Variants in BMPR2 observed in about 807,000 individuals in gnomAD.
The protein encoded by BMPR2 is bone morphogenetic protein receptor type 2, also known as bone morphogenetic protein receptor type-2.
In BMPR2, 29 loss-of-function variants were observed where a neutral mutation model predicts 100.8. The observed-to-expected ratio is 0.29, with a 90% CI of 0.21 to 0.39. The LOEUF is 0.39. Ranked by LOEUF, BMPR2 falls within the 10% of genes least tolerant of loss-of-function variation. The probability of loss-of-function intolerance (pLI) is 1.00; values close to 1 mark genes in which losing one functional copy is unlikely to be tolerated. For synonymous variants in BMPR2, 382 were observed against 442.3 expected (o/e 0.86, Z 1.71); for missense variants, 1,011 against 1,274.5 (o/e 0.79, Z 3.15).
intron 1 of BMPR2, among the ~76,000 whole-genome samples, chr2:202,379,556 A>ACC (rs1690226951): frequency 6.6e-6 from 1 of 152,180 alleles, no homozygotes. Flanking sequence ...TGGTTATGCA[A>ACC]ATGTCGTAGT....
At chr2:202,523,804 C>T (rs528910012) in intron 7 of BMPR2, among the ~76,000 whole-genome samples, 1 of 151,318 alleles carries the variant, frequency 6.6e-6, no homozygotes, top group East Asian at 2.0e-4. Flanking sequence ...AACTCCATCT[C>T]AAAAAGAAAA....
At chr2:202,469,203 T>A (rs1022729577) in intron 3 of BMPR2, among the ~76,000 whole-genome samples, 1 of 151,990 alleles carries the variant, frequency 6.6e-6, no homozygotes, top group Non-Finnish European at 1.5e-5. Context: ...TAATTTTGTA[T>A]TTTTAGTAGA....
At chr2:202,534,910 C>T (rs1167505214) in intron 9 of BMPR2, among the ~76,000 whole-genome samples, 2 of 147,012 alleles carry the variant, frequency 1.4e-5, no homozygotes, top group Non-Finnish European at 3.0e-5. Flanking sequence ...GGCTGACCCC[C>T]CCACCTCCCT....
chr2:202,470,854 C>T (rs368557447), intron 3 of BMPR2, among the ~76,000 whole-genome samples: 9 of 151,714 alleles, frequency 5.9e-5, no homozygotes, highest in African/African-American at 2.2e-4. Context: ...ACTGCTTGAT[C>T]CCAGAATTTC....
chr2:202,390,338 T>G (rs976552826), intron 1 of BMPR2, among the ~76,000 whole-genome samples: 1 of 151,362 alleles, frequency 6.6e-6, no homozygotes, highest in Non-Finnish European at 1.5e-5. Context: ...TTCGTGTTTT[T>G]TTTTTTTTTT....
Position 202,549,118 on chromosome 2 carries a change from T to A in BMPR2, c.1414-3598T>A, listed in dbSNP as rs10172513. On this transcript the variant is annotated intron_variant, in intron 10 of 12. Transcript: ENST00000374580. ...GATTAGTTTACATTTTCTAGAATTT[T>A]ATATAAATGGAATCATATAAATGTA... is the stretch of plus-strand genomic sequence containing the variant. Among the ~76,000 whole-genome samples the A allele has an allele frequency of 9.1e-3, 1,392 of 152,324 alleles. 18 individuals carry two copies. The highest frequency in any genetic ancestry group is 0.031 in the African/African-American group (1,304 of 41,570).
At chr2:202,537,808 T>C (rs1688190600) in intron 9 of BMPR2, among the ~76,000 whole-genome samples, 2 of 152,072 alleles carry the variant, frequency 1.3e-5, no homozygotes, top group South Asian at 4.2e-4. Context: ...AAATCTGTAC[T>C]TGTGGTTATC....
chr2:202,440,013 G>T, intron 1 of BMPR2, among the ~76,000 whole-genome samples: 1 of 150,364 alleles, frequency 6.7e-6, no homozygotes, highest in Admixed American at 6.6e-5. Context: ...CACAGCACAT[G>T]TTTCAGAGAG....
chr2:202,383,014 T>C (rs1690334318), intron 1 of BMPR2, among the ~76,000 whole-genome samples: 1 of 152,228 alleles, frequency 6.6e-6, no homozygotes, highest in Non-Finnish European at 1.5e-5. Flanking sequence ...ATAACTTTAT[T>C]TCTACTTTTT....
rs1574472579 is a variant in BMPR2 at position 202,485,325 on chromosome 2, AGC to A, written c.418+17637_418+17638del. ...AAATAACAGAAATTTGTTCTTGGAC[AGC>A]TTTGGAGGCCAGCAGTCTAAAGCCA... is the stretch of plus-strand genomic sequence containing the variant. On this transcript the variant is annotated intron_variant, in intron 3 of 12. Transcript: ENST00000374580. 2.0e-5 allele frequency among the ~76,000 whole-genome samples: 3 copies of A among 152,100 alleles called. No individual in the cohort carries two copies. The East Asian group carries it at 5.8e-4, about 29-fold the overall frequency.
intron 1 of BMPR2, among the ~76,000 whole-genome samples, chr2:202,451,721 A>T (rs753094805): frequency 1.3e-4 from 19 of 151,910 alleles, no homozygotes; most frequent in Non-Finnish European, 2.4e-4. Flanking sequence ...AAAAAACTAC[A>T]ATTTGATGAG....
intron 3 of BMPR2, among the ~76,000 whole-genome samples, chr2:202,482,532 CCTGT>C (rs905878386): frequency 2.6e-5 from 4 of 151,466 alleles, no homozygotes; most frequent in African/African-American, 9.7e-5. Flanking sequence ...TGACCCCATG[CCTGT>C]CTAATTTTTT....
intron 1 of BMPR2, among the ~76,000 whole-genome samples, chr2:202,443,809 T>C (rs1329099145): frequency 6.6e-6 from 1 of 150,636 alleles, no homozygotes; most frequent in South Asian, 2.1e-4. Context: ...TACCTTGTAA[T>C]TGCCTTCAGA....
chr2:202,521,282 C>T (rs1687814376), intron 7 of BMPR2, among the ~76,000 whole-genome samples: 1 of 152,150 alleles, frequency 6.6e-6, no homozygotes, highest in Admixed American at 6.6e-5. Flanking sequence ...ATATTGGCAG[C>T]CCGGGCGTGA....
At chr2:202,395,003 C>T (rs1351004785) in intron 1 of BMPR2, among the ~76,000 whole-genome samples, 1 of 152,034 alleles carries the variant, frequency 6.6e-6, no homozygotes, top group East Asian at 1.9e-4. Flanking sequence ...CCTGCCTCAA[C>T]CTCCTGAGTA....
intron 1 of BMPR2, among the ~76,000 whole-genome samples, chr2:202,385,762 A>G (rs1198575757): frequency 6.6e-6 from 1 of 150,994 alleles, no homozygotes; most frequent in Non-Finnish European, 1.5e-5. Flanking sequence ...AGTCATGTAT[A>G]TGTGATCTTA....
At chr2:202,515,571 CAA>C (rs1297491040) in intron 5 of BMPR2, among the ~76,000 whole-genome samples, 19 of 75,304 alleles carry the variant, frequency 2.5e-4, no homozygotes, top group Non-Finnish European at 1.7e-4. Context: ...AACTCTGCCA[CAA>C]AAAAAAAAAA....
chr2:202,539,728 GGAA>G (rs1688236951), intron 9 of BMPR2, among the ~76,000 whole-genome samples: 1 of 151,978 alleles, frequency 6.6e-6, no homozygotes, highest in Admixed American at 6.6e-5. Flanking sequence ...GATAGAAAAA[GGAA>G]GAAAGAATAA....
At chr2:202,556,846 A>C (rs1328558926) in intron 12 of BMPR2, among the ~76,000 whole-genome samples, 1 of 150,812 alleles carries the variant, frequency 6.6e-6, no homozygotes, top group Admixed American at 6.6e-5. Context: ...GCACTTTGGG[A>C]GGCCAAGGCG....
Sources: allele counts gnomAD v4.1 joint callset (sites outside exome capture counted in the v4.1 genomes callset), GRCh38; gene constraint gnomAD v4.1.1; transcripts MANE v1.5; gene names NCBI Gene and HGNC (gene_info 2026-07-23, HGNC 2026-07-21).